HBS1L: variants seen among roughly 807,000 people sequenced by gnomAD.
The protein encoded by HBS1L is HBS1 like translational GTPase.
A neutral mutation model predicts 88.9 loss-of-function variants in HBS1L; 55 were observed. The observed-to-expected ratio is 0.62, with a 90% CI of 0.50 to 0.77. HBS1L has a LOEUF of 0.77. Among genes scored for constraint, HBS1L ranks in the 30% least tolerant of loss-of-function variants. HBS1L has a pLI of 0.00. For synonymous variants in HBS1L, 267 were observed against 288.5 expected (o/e 0.93, Z 0.76); for missense variants, 741 against 829.3 (o/e 0.89, Z 1.31).
chr6:134,969,888 AGAGGGGGATAATAT>A (rs1774432465), intron 15 of HBS1L, among the ~76,000 whole-genome samples: 1 of 152,188 alleles, frequency 6.6e-6, no homozygotes, highest in Non-Finnish European at 1.5e-5. Flanking sequence ...CACAGATTAG[AGAGGGGGATAATAT>A]CATATTCACA....
At chr6:135,049,245 T>A (rs1777005932) in intron 2 of HBS1L, among the ~76,000 whole-genome samples, 1 of 152,194 alleles carries the variant, frequency 6.6e-6, no homozygotes, top group African/African-American at 2.4e-5. Flanking sequence ...ACCTACTTGC[T>A]GTGTCCTAAC....
At chr6:135,008,930 A>C (rs1352898848) in intron 4 of HBS1L, among the ~76,000 whole-genome samples, 1 of 152,116 alleles carries the variant, frequency 6.6e-6, no homozygotes, top group African/African-American at 2.4e-5. Context: ...AAATTGTGAA[A>C]CTACAAGGTG....
chr6:134,982,694 A>G (rs1211088193), intron 12 of HBS1L, 132 bp from the exon 13 acceptor site: 1 of 482,318 alleles, frequency 2.1e-6, no homozygotes, highest in Non-Finnish European at 3.7e-6. Context: ...TAATCATTTC[A>G]GAATTAACAT....
intron 5 of HBS1L, among the ~76,000 whole-genome samples, 190 bp from the exon 6 acceptor site, chr6:134,997,846 G>A (rs1041110518): frequency 2.0e-5 from 3 of 152,082 alleles, no homozygotes; most frequent in South Asian, 2.1e-4. Context: ...AAATACAACC[G>A]TGGAAGATCC....
intron 8 of HBS1L, 136 bp from the exon 9 acceptor site, chr6:134,987,927 A>C (rs975550124): frequency 5.2e-6 from 3 of 573,488 alleles, no homozygotes; most frequent in Non-Finnish European, 8.1e-6. Flanking sequence ...AATCAAACAA[A>C]AGACTCCCAA....
chr6:134,985,754 T>C (rs1158465841), intron 11 of HBS1L, among the ~76,000 whole-genome samples: 1 of 152,080 alleles, frequency 6.6e-6, no homozygotes. Flanking sequence ...CCCAAACACT[T>C]TGGGTCCCAA....
chr6:135,010,190 T>C (rs1483847650), intron 4 of HBS1L, among the ~76,000 whole-genome samples: 1 of 152,178 alleles, frequency 6.6e-6, no homozygotes, highest in African/African-American at 2.4e-5. Flanking sequence ...AATAGTCTAC[T>C]ATCGCTAGAA....
rs908943718 is a variant in HBS1L at position 134,997,611 on chromosome 6, T to C, written c.585A>G (p.Lys195=). Residue 195 remains lysine (K), a synonymous_variant, in exon 6 of 18, where the codon AAA becomes AAG. Transcript: ENST00000367837. ...ENGHSFHTPQ[K]GPPIEDAIAS... is the part of the protein sequence containing the mutation. The stretch of plus-strand genomic sequence containing the variant: ...CAATGGCATCTTCAATGGGCGGTCC[T>C]TTTTGAGGTGTGTGGAAACTATGAC... The C allele has an allele frequency of 4.3e-6, 7 of 1,613,796 alleles. No homozygotes were observed. In the East Asian group the frequency reaches 1.6e-4, roughly 36 times the overall value.
chr6:135,042,634 C>T (rs1243520119), intron 2 of HBS1L, among the ~76,000 whole-genome samples: 2 of 151,984 alleles, frequency 1.3e-5, no homozygotes, highest in Middle Eastern at 3.2e-3. Context: ...TACAGTGAAA[C>T]CCCATCTCTA....
chr6:134,987,600 T>A, intron 9 of HBS1L, 45 bp downstream of exon 9: 1 of 1,485,654 alleles, frequency 6.7e-7, no homozygotes, highest in East Asian at 2.4e-5. Context: ...CAGAATAACA[T>A]CTTAATTAGC....
At chr6:135,034,961 C>A (rs1195600815) in intron 4 of HBS1L, among the ~76,000 whole-genome samples, 3 of 152,176 alleles carry the variant, frequency 2.0e-5, no homozygotes. Context: ...AGTGAAGCCA[C>A]AGTATCTGTG....
intron 15 of HBS1L, among the ~76,000 whole-genome samples, chr6:134,969,803 C>T (rs987491207): frequency 4.6e-5 from 7 of 152,038 alleles, no homozygotes; most frequent in Admixed American, 2.0e-4. Context: ...GCTTTTATAG[C>T]GTTGTGATGA....
rs1449632884 is a variant in HBS1L at position 134,964,450 on chromosome 6, G to C, written c.*829C>G. 6.6e-6 allele frequency: 1 copy of C among 152,106 alleles called. No individual in the cohort carries two copies. The highest frequency in any genetic ancestry group is 1.5e-5 in the Non-Finnish European group (1 of 68,014). 9.4% of individuals were successfully genotyped at this position (152,106 alleles called of 1,614,324 possible). On this transcript the variant is annotated 3_prime_UTR_variant, in exon 18 of 18. Transcript: ENST00000367837. Reference sequence around the variant, plus strand: ...AATTCTAAAAGTGAGAATGGGAAAAGCAAGTTATGGTTAAAAAAATGAATG... The same window carrying C: ...AATTCTAAAAGTGAGAATGGGAAAACCAAGTTATGGTTAAAAAAATGAATG...
At chr6:135,022,286 T>C (rs1776093767) in intron 4 of HBS1L, among the ~76,000 whole-genome samples, 1 of 148,646 alleles carries the variant, frequency 6.7e-6, no homozygotes, top group Admixed American at 6.7e-5. Flanking sequence ...AGAAAGTATA[T>C]ACAAATATAC....
chr6:135,009,450 A>C (rs1775705966), intron 4 of HBS1L, among the ~76,000 whole-genome samples: 1 of 152,262 alleles, frequency 6.6e-6, no homozygotes, highest in African/African-American at 2.4e-5. Context: ...AAATAATATG[A>C]GAAAAGGCAT....
At position 134,997,344 on chromosome 6, in the gene HBS1L, T is replaced by C. The variant is rs1225656780; in HGVS notation, c.799+53A>G. On this transcript the variant is annotated intron_variant, in intron 6 of 17. Transcript: ENST00000367837. ...GAGTTTCCATGCTGCCTCCAGACAGTGGGCAGGCTAAGGCATGGCTGGCTG... is the reference window on the plus strand; with the variant it reads ...GAGTTTCCATGCTGCCTCCAGACAGCGGGCAGGCTAAGGCATGGCTGGCTG... 1.9e-6 allele frequency: 3 copies of C among 1,600,324 alleles called. No homozygotes were observed. In the East Asian group the frequency reaches 6.7e-5, roughly 36 times the overall value.
intron 3 of HBS1L, among the ~76,000 whole-genome samples, chr6:135,040,651 G>GC (rs1776706133): frequency 6.6e-6 from 1 of 151,846 alleles, no homozygotes; most frequent in African/African-American, 2.4e-5. Flanking sequence ...TGCCCAGCCG[G>GC]CATTCACTTT....
At chr6:135,045,492 G>A (rs1295933846) in intron 2 of HBS1L, among the ~76,000 whole-genome samples, 1 of 152,112 alleles carries the variant, frequency 6.6e-6, no homozygotes, top group African/African-American at 2.4e-5. Context: ...TTCTTCCCCG[G>A]GAGATTATGA....
chr6:134,982,495 T>C lies in HBS1L; in HGVS notation c.1560A>G (p.Leu520=), dbSNP rs747646055. Reference sequence around the variant, plus strand: ...AAGTTTCATTAGGAGGCATTGCCAGTAGTCGGTCACCAGTTTGGATATAAC... The same window carrying C: ...AAGTTTCATTAGGAGGCATTGCCAGCAGTCGGTCACCAGTTTGGATATAAC... ...EAGYIQTGDR[L]LAMPPNETCT... Residue 520 remains leucine, a synonymous_variant, in exon 13 of 18, where the codon CTA becomes CTG. Coordinates refer to ENST00000367837, the MANE Select transcript of HBS1L (RefSeq NM_006620.4). The C allele has an allele frequency of 5.0e-6, 8 of 1,611,244 alleles. No individual in the cohort carries two copies. The highest frequency in any genetic ancestry group is 3.3e-5 in the South Asian group (3 of 90,976).
Sources: allele counts gnomAD v4.1 joint callset (sites outside exome capture counted in the v4.1 genomes callset), GRCh38; gene constraint gnomAD v4.1.1; transcripts MANE v1.5; gene names NCBI Gene and HGNC (gene_info 2026-07-23, HGNC 2026-07-21).